Variants in SEMA4D observed in about 807,000 individuals in gnomAD.
SEMA4D encodes the protein semaphorin 4D.
Under a neutral mutation model 74.8 loss-of-function variants are expected in SEMA4D, and 22 were observed. The ratio of observed to expected loss-of-function variants is 0.29; its 90% confidence interval spans 0.21 to 0.42. The LOEUF is 0.42. Among genes scored for constraint, SEMA4D ranks in the 10% least tolerant of loss-of-function variants. SEMA4D has a pLI of 1.00. For synonymous variants in SEMA4D, 445 were observed against 463.7 expected (o/e 0.96, Z 0.52); for missense variants, 937 against 1,118.4 (o/e 0.84, Z 2.31).
intron 8 of SEMA4D, 136 bp downstream of exon 8, chr9:89,392,287 G>C: frequency 1.6e-6 from 1 of 621,064 alleles, no homozygotes; most frequent in East Asian, 2.7e-5. Context: ...GGACAGTTTG[G>C]GAAGTATCCC....
intron 2 of SEMA4D, among the ~76,000 whole-genome samples, chr9:89,440,976 A>T (rs1172971540): frequency 6.6e-6 from 1 of 152,250 alleles, no homozygotes; most frequent in Non-Finnish European, 1.5e-5. Flanking sequence ...AGGGCAAAAC[A>T]GCATGCAACT....
intron 2 of SEMA4D, among the ~76,000 whole-genome samples, chr9:89,420,783 A>G (rs1846762020): frequency 1.3e-5 from 2 of 152,218 alleles, no homozygotes; most frequent in South Asian, 4.1e-4. Flanking sequence ...TCCTGAGGGA[A>G]GTTACTGAGC....
intron 2 of SEMA4D, among the ~76,000 whole-genome samples, chr9:89,443,639 C>T (rs1852180011): frequency 2.0e-5 from 3 of 152,208 alleles, no homozygotes; most frequent in Admixed American, 2.0e-4. Context: ...CCACCCCATG[C>T]CTGCCTCCGA....
chr9:89,361,853 C>G (rs903065716), exon 19 of SEMA4D: 1 of 159,034 alleles, frequency 6.3e-6, no homozygotes, highest in African/African-American at 2.4e-5. Context: ...TGTGGAGTCT[C>G]ACCTTTTCTT....
intron 13 of SEMA4D, chr9:89,385,866 G>GGGGGGGCCCCCCCCC: frequency 5.1e-6 from 1 of 196,226 alleles, no homozygotes; most frequent in Non-Finnish European, 9.0e-6. Flanking sequence ...CAGCGTGGAT[G>GGGGGGGCCCCCCCCC]CCCGCCCACC....
At chr9:89,377,162 G>GC, downstream of SEMA4D, 1 of 1,434,062 alleles carries the variant, frequency 7.0e-7, no homozygotes, top group Non-Finnish European at 9.2e-7. Context: ...AAAAGAGCGA[G>GC]CCCAGCTGTC....
intron 13 of SEMA4D, among the ~76,000 whole-genome samples, chr9:89,382,398 A>C (rs1837315584): frequency 6.6e-6 from 1 of 152,240 alleles, no homozygotes; most frequent in Non-Finnish European, 1.5e-5. Flanking sequence ...TCATCCTCAG[A>C]GGATACGCTC....
At chr9:89,412,341 C>T (rs190663373) in intron 2 of SEMA4D, among the ~76,000 whole-genome samples, 79 of 152,312 alleles carry the variant, frequency 5.2e-4, no homozygotes, top group African/African-American at 1.8e-3. Flanking sequence ...CATCCCCAAA[C>T]GAATGTGGCT....
chr9:89,378,653 C>T lies in SEMA4D; in HGVS notation c.*51G>A, dbSNP rs760190104. ...TGAACAGGAGAAACACAAAACTCTC[C>T]ACGCCTGGACACGTCGCAGCCGAGG... is the stretch of plus-strand genomic sequence containing the variant. On this transcript the variant is annotated 3_prime_UTR_variant, in exon 16 of 16. Transcript: ENST00000422704. The T allele has an allele frequency of 7.0e-7, 1 of 1,430,064 alleles. No individual in the cohort carries two copies. The highest frequency in any genetic ancestry group is 9.8e-7 in the Non-Finnish European group (1 of 1,021,078). 88.6% of individuals were successfully genotyped at this position (1,430,064 alleles called of 1,614,324 possible).
rs1491451024 is a variant in SEMA4D, at chr9:89,450,660, G to GGAAAAAAAAAAAAAA, written c.-244+5227_-244+5228insTTTTTTTTTTTTTTC. On this transcript the variant is annotated intron_variant, in intron 2 of 15. Coordinates refer to ENST00000422704, the MANE Select transcript of SEMA4D (RefSeq NM_001371194.2). ...GAGTTCTGCAAGTCGAAAAACCCAG[G>GGAAAAAAAAAAAAAA]AAAAAAAAAAAAAAAAAAAAAAAAA... 2.2e-3 allele frequency: 937 copies of GGAAAAAAAAAAAAAA among 430,106 alleles called. 105 individuals are homozygous for GGAAAAAAAAAAAAAA. The highest frequency in any genetic ancestry group is 2.6e-3 in the Non-Finnish European group (730 of 278,976). 26.6% of individuals were successfully genotyped at this position (430,106 alleles called of 1,614,324 possible). A position where few individuals can be genotyped will look rare whatever the true frequency, so the allele number is the denominator to read the frequency against.
chr9:89,443,560 G>T (rs140593835), intron 2 of SEMA4D, among the ~76,000 whole-genome samples: 4 of 152,250 alleles, frequency 2.6e-5, no homozygotes, highest in African/African-American at 4.8e-5. Context: ...AGCAGCAGCC[G>T]CCAGAGGAGG....
intron 2 of SEMA4D, among the ~76,000 whole-genome samples, chr9:89,428,332 C>T (rs1587816854): frequency 6.6e-6 from 1 of 152,340 alleles, no homozygotes; most frequent in East Asian, 1.9e-4. Context: ...TGCCCAAACA[C>T]AGTCCCTGGC....
At chr9:89,439,021 G>A (rs537443293) in intron 2 of SEMA4D, among the ~76,000 whole-genome samples, 15 of 120,202 alleles carry the variant, frequency 1.2e-4, no homozygotes, top group African/African-American at 3.2e-4. Context: ...TCGCTCTATC[G>A]CCCAGGCTGG....
At chr9:89,395,843 T>C (rs1020135593) in intron 6 of SEMA4D, among the ~76,000 whole-genome samples, 1 of 152,186 alleles carries the variant, frequency 6.6e-6, no homozygotes, top group Non-Finnish European at 1.5e-5. Flanking sequence ...GATTGGAAAA[T>C]ATTTTAATTC....
downstream of SEMA4D, among the ~76,000 whole-genome samples, chr9:89,372,491 C>T (rs780213882): frequency 3.3e-5 from 5 of 151,808 alleles, no homozygotes; most frequent in Non-Finnish European, 5.9e-5. Context: ...CATTGCTAGC[C>T]GCATGACAAA....
exon 19 of SEMA4D, chr9:89,362,394 C>T: frequency 3.1e-6 from 5 of 1,614,088 alleles, no homozygotes; most frequent in Non-Finnish European, 4.2e-6. Flanking sequence ...GGGACTCCTT[C>T]CTGGTGGCTA....
intron 2 of SEMA4D, among the ~76,000 whole-genome samples, chr9:89,425,113 T>C (rs1291875543): frequency 6.6e-6 from 1 of 152,204 alleles, no homozygotes; most frequent in Non-Finnish European, 1.5e-5. Context: ...GGCCAGGGTC[T>C]GTCTGGTTTT....
At chr9:89,372,318 G>A (rs1835184586), downstream of SEMA4D, among the ~76,000 whole-genome samples, 1 of 114,676 alleles carries the variant, frequency 8.7e-6, no homozygotes, top group Non-Finnish European at 1.8e-5. Context: ...GGTCGGGGGT[G>A]TGGTGTCTGA....
chr9:89,418,229 C>T, intron 2 of SEMA4D: 3 of 700,394 alleles, frequency 4.3e-6, no homozygotes, highest in Non-Finnish European at 5.3e-6. Context: ...GAGTTTAAAC[C>T]TTCTAGACTT....
Sources: gnomAD v4.1 joint callset for allele counts (sites outside exome capture counted in the v4.1 genomes callset) on GRCh38, gnomAD v4.1.1 for gene constraint, MANE v1.5 for transcripts, NCBI Gene and HGNC (gene_info 2026-07-23, HGNC 2026-07-21) for gene names.